The following EVC2 variants were observed in gnomAD, a reference collection of about 807,000 sequenced individuals.
The protein encoded by EVC2 is limbin.
Under a neutral mutation model 149.3 loss-of-function variants are expected in EVC2, and 148 were observed. That is an observed-to-expected ratio of 0.99 (90% CI 0.87 to 1.14). The LOEUF (loss-of-function observed/expected upper bound fraction) is 1.14. Among genes scored for constraint, EVC2 ranks in the 50% most tolerant of loss-of-function variants. The pLI is 0.00. For missense variants in EVC2, 1,854 were observed against 1,627.3 expected, an observed-to-expected ratio of 1.14 and a Z score of -2.40; for synonymous variants, 776 against 649.9, an observed-to-expected ratio of 1.19 and a Z score of -2.95.
downstream of EVC2, among the ~76,000 whole-genome samples, chr4:5,538,149 A>G (rs183489785): frequency 2.6e-5 from 4 of 152,118 alleles, no homozygotes; most frequent in Admixed American, 2.0e-4. Context: ...GAATGAAAAA[A>G]CTGGTATCAC....
chr4:5,689,324 G>T lies in EVC2; in HGVS notation c.539C>A (p.Ala180Glu). ...AAGCAGCCATATGCGGGCTGTCTGT[G>T]CTTCACTCGACCCAGACACCTAGGG... ...KCALVSGSSE[A>E]QTARIWLLVN... The change falls in exon 5 of 22, where the codon GCA (alanine) becomes GAA (glutamate). Residue 180 changes from alanine (A) to glutamate (E), a missense_variant. Coordinates refer to ENST00000344408, the MANE Select transcript of EVC2 (RefSeq NM_147127.5). 1 of 1,614,156 alleles carries T rather than the reference G, an allele frequency of 6.2e-7. No individual in the cohort carries two copies. The highest frequency in any genetic ancestry group is 1.1e-5 in the South Asian group (1 of 91,078).
Position 5,633,155 on chromosome 4 carries a change from C to T in EVC2, c.1471-1123G>A, listed in dbSNP as rs2108853304. Among the ~76,000 whole-genome samples, 1 of 152,338 alleles carries T rather than the reference C, an allele frequency of 6.6e-6. No homozygotes were observed. The highest frequency in any genetic ancestry group is 2.1e-4 in the South Asian group (1 of 4,822). ...AAGAACCAAACAGCCAGGCTGTAAA[C>T]TGTCTCCGCAGAAGGGAAACTTCTA... On this transcript the variant is annotated intron_variant, in intron 10 of 21. Transcript: ENST00000344408. The surrounding 1 kb of genome is among the most constrained non-coding windows in gnomAD (Gnocchi z 4.4).
At position 5,625,772 on chromosome 4, in the gene EVC2, T is replaced by C. The variant is rs754390055; in HGVS notation, c.2023A>G (p.Arg675Gly). Reference protein sequence around the residue: ...KKLHQKLITKRRRELLQKHRE... With the variant: ...KKLHQKLITKGRRELLQKHRE... ...ACCTTTTGTAGCAACTCTCGTCTTC[T>C]CTTAGTTATTAATTTTTGGTGGAGC... Residue 675 changes from arginine (R) to glycine (G), a missense_variant, in exon 13 of 22, where the codon AGA becomes GGA. Arg to Gly is a moderately radical substitution (Grantham distance 125). Coordinates refer to ENST00000344408, the MANE Select transcript of EVC2 (RefSeq NM_147127.5). The surrounding 1 kb of genome is among the most constrained non-coding windows in gnomAD (Gnocchi z 4.0). 3.7e-6 allele frequency: 6 copies of C among 1,614,030 alleles called. No individual in the cohort carries two copies. In the Admixed American group the frequency reaches 6.7e-5, roughly 18 times the overall value.
intron 2 of EVC2, 22 bp from the exon 3 acceptor site, chr4:5,694,523 G>T: frequency 6.2e-7 from 1 of 1,614,018 alleles, no homozygotes; most frequent in Non-Finnish European, 8.5e-7. Flanking sequence ...CAACACACCC[G>T]TTTTATATAA....
rs1018216607 is a variant in EVC2 at position 5,708,454 on chromosome 4, T to C, written c.60A>G (p.Ala20=). 4 of 1,506,852 alleles carry C rather than the reference T, an allele frequency of 2.7e-6. No individual in the cohort carries two copies. The highest frequency in any genetic ancestry group is 2.1e-5 in the Admixed American group (1 of 48,502). 93.3% of individuals were successfully genotyped at this position (1,506,852 alleles called of 1,614,324 possible). A position where few individuals can be genotyped will look rare whatever the true frequency, so the allele number is the denominator to read the frequency against. The change falls in exon 1 of 22, where the codon GCA becomes GCG. Residue 20 remains alanine (A), a synonymous_variant. Coordinates refer to ENST00000344408, the MANE Select transcript of EVC2 (RefSeq NM_147127.5). ...PTWVLAGGLL[A]VALALGGRGC... is the part of the protein sequence containing the mutation. The stretch of plus-strand genomic sequence containing the variant: ...CTCGGCCCCCCAGCGCCAGGGCCAC[T>C]GCCAGGAGACCCCCGGCCAGCACCC...
intron 21 of EVC2, among the ~76,000 whole-genome samples, chr4:5,549,945 C>T (rs1298074531): frequency 1.3e-5 from 2 of 152,118 alleles, no homozygotes; most frequent in Non-Finnish European, 2.9e-5. Flanking sequence ...TGGGAGTTTG[C>T]CTGCACAAAC....
intron 2 of EVC2, among the ~76,000 whole-genome samples, chr4:5,694,955 C>T (rs529670144): frequency 1.3e-5 from 2 of 152,242 alleles, no homozygotes; most frequent in African/African-American, 2.4e-5. Context: ...TCTGGGCACC[C>T]GCCTACTGCA....
At chr4:5,563,227 C>T in intron 21 of EVC2, 112 bp from the exon 22 acceptor site, 2 of 1,044,528 alleles carry the variant, frequency 1.9e-6, no homozygotes, top group South Asian at 1.3e-5. Flanking sequence ...CAACCCAGTG[C>T]CATTTTAACA....
intron 19 of EVC2, among the ~76,000 whole-genome samples, chr4:5,573,007 T>C (rs1455138875): frequency 6.6e-6 from 1 of 152,254 alleles, no homozygotes; most frequent in Non-Finnish European, 1.5e-5. Flanking sequence ...CCTTTATTCA[T>C]AAAACAGGAT....
rs1162689120 is a variant in EVC2 at position 5,657,207 on chromosome 4, G to C, written c.1145+5900C>G. Among the ~76,000 whole-genome samples the C allele has an allele frequency of 6.6e-6, 1 of 152,062 alleles. No homozygotes were observed. Among genetic ancestry groups the C allele is most frequent in the Non-Finnish European group, 1.5e-5 (1 of 68,014 alleles). ...TTTCTCTAGTAAGCCACTTCCCCGT[G>C]GTCAGGACTGCTTCACACTTTTTAC... On this transcript the variant is annotated intron_variant, in intron 9 of 21. Transcript: ENST00000344408. This position sits in a 1 kb window ranked among gnomAD's most constrained non-coding sequence, Gnocchi z 4.7.
intron 9 of EVC2, among the ~76,000 whole-genome samples, chr4:5,658,581 A>G (rs2108889231): frequency 6.6e-6 from 1 of 152,366 alleles, no homozygotes; most frequent in East Asian, 1.9e-4. Flanking sequence ...CATTCTAATA[A>G]TAGAGAAAAC....
rs1290403809 is a variant in EVC2 at position 5,677,982 on chromosome 4, G to A, written c.870+3278C>T. On this transcript the variant is annotated intron_variant, in intron 7 of 21. Coordinates refer to ENST00000344408, the MANE Select transcript of EVC2 (RefSeq NM_147127.5). This position sits in a 1 kb window ranked among gnomAD's most constrained non-coding sequence, Gnocchi z 4.3. ...CAGTGCCTGACAGCAGGGCTCTGGA[G>A]CCAAACTGCTTGGGTTCAAATCCTG... 6.6e-6 allele frequency among the ~76,000 whole-genome samples: 1 copy of A among 152,212 alleles called. No individual in the cohort carries two copies. The highest frequency in any genetic ancestry group is 2.4e-5 in the African/African-American group (1 of 41,458).
intron 16 of EVC2, among the ~76,000 whole-genome samples, chr4:5,594,254 G>C (rs987625535): frequency 6.6e-6 from 1 of 152,192 alleles, no homozygotes; most frequent in African/African-American, 2.4e-5. Flanking sequence ...ATCTGAGAAC[G>C]GGCAGACTGC....
chr4:5,577,689 G>A (rs548267401), intron 17 of EVC2, among the ~76,000 whole-genome samples: 6 of 152,148 alleles, frequency 3.9e-5, no homozygotes, highest in Non-Finnish European at 8.8e-5. Context: ...TCTCTCTATA[G>A]CATGGACACC....
chr4:5,575,136 G>A (rs1722846070), intron 18 of EVC2, among the ~76,000 whole-genome samples: 1 of 152,190 alleles, frequency 6.6e-6, no homozygotes. Context: ...CCCACCATGT[G>A]CCCTTGGATT....
intron 11 of EVC2, among the ~76,000 whole-genome samples, chr4:5,629,915 C>A (rs912523982): frequency 7.2e-5 from 11 of 152,230 alleles, no homozygotes; most frequent in African/African-American, 2.7e-4. Flanking sequence ...GCTTGTAGGG[C>A]AGTACTGTTA....
rs1722336221 is a variant in EVC2, at chr4:5,567,153, C to T, written c.3557+1291G>A. On this transcript the variant is annotated intron_variant, in intron 20 of 21. Transcript: ENST00000344408. The surrounding 1 kb of genome is among the most constrained non-coding windows in gnomAD (Gnocchi z 4.4). ...CCACGCCAACAACCAGACCTCTGACCCCCTAACATGCAGCCAGCCCTCTGA... is the reference window on the plus strand; with the variant it reads ...CCACGCCAACAACCAGACCTCTGACTCCCTAACATGCAGCCAGCCCTCTGA... Among the ~76,000 whole-genome samples, 1 of 152,004 alleles carries T rather than the reference C, an allele frequency of 6.6e-6. No homozygotes were observed. The highest frequency in any genetic ancestry group is 1.9e-4 in the East Asian group (1 of 5,140).
At position 5,622,928 on chromosome 4, in the gene EVC2, C is replaced by T. The variant is rs867605179; in HGVS notation, c.2110G>A (p.Gly704Ser). The change falls in exon 14 of 22, where the codon GGC becomes AGC. Residue 704 changes from glycine to serine, a missense_variant. By Grantham distance (56) the Gly-to-Ser change is moderately conservative. Coordinates refer to ENST00000344408, the MANE Select transcript of EVC2 (RefSeq NM_147127.5). This position sits in a 1 kb window ranked among gnomAD's most constrained non-coding sequence, Gnocchi z 5.8. Reference protein sequence around the residue: ...GEAFRTVEDAGQYLHQKRSLM... With the variant: ...GEAFRTVEDASQYLHQKRSLM... Reference sequence around the variant, plus strand: ...CTCCTCTTCTGGTGCAGGTACTGGCCGGCATCCTCAACCGTTCGGAAGGCC... The same window carrying T: ...CTCCTCTTCTGGTGCAGGTACTGGCTGGCATCCTCAACCGTTCGGAAGGCC... 5.0e-6 allele frequency: 8 copies of T among 1,614,056 alleles called. No individual in the cohort carries two copies. The highest frequency in any genetic ancestry group is 4.5e-5 in the East Asian group (2 of 44,892).
intron 16 of EVC2, among the ~76,000 whole-genome samples, chr4:5,604,882 C>T (rs914947842): frequency 1.3e-3 from 202 of 151,784 alleles, no homozygotes; most frequent in African/African-American, 4.6e-3. Context: ...TTTCCTGCCT[C>T]CCCTTCCACC....
Sources: allele counts gnomAD v4.1 joint callset (sites outside exome capture counted in the v4.1 genomes callset), GRCh38; gene constraint gnomAD v4.1.1; non-coding constraint Gnocchi (gnomAD v3.1); transcripts MANE v1.5; gene names NCBI Gene and HGNC (gene_info 2026-07-23, HGNC 2026-07-21).